Variants in NRXN1 observed in about 807,000 individuals in gnomAD.
NRXN1 encodes the protein neurexin 1, also known as neurexin-1.
A neutral mutation model predicts 150.9 loss-of-function variants in NRXN1; 39 were observed. That is an observed-to-expected ratio of 0.26 (90% CI 0.20 to 0.34). The LOEUF (loss-of-function observed/expected upper bound fraction) is 0.34, where lower values mean the gene tolerates loss of function less well. NRXN1 is among the 10% of genes least tolerant of loss of function. NRXN1 has a pLI of 1.00. For missense variants in NRXN1, 1,815 were observed against 1,949.9 expected (o/e 0.93, Z 1.30); for synonymous variants, 924 against 757.0 (o/e 1.22, Z -3.62).
intron 5 of NRXN1, among the ~76,000 whole-genome samples, chr2:50,896,580 C>T (rs375505915): frequency 2.3e-4 from 35 of 152,326 alleles, no homozygotes; most frequent in African/African-American, 8.2e-4. Flanking sequence ...GGCGCAGTGG[C>T]TCACACCTGT....
In NRXN1 at chr2:50,321,567, A is replaced by G. The variant is rs973593174; in HGVS notation, c.3365-84597T>C. Among the ~76,000 whole-genome samples the G allele has an allele frequency of 9.2e-5, 14 of 151,720 alleles. No individual in the cohort carries two copies. In the South Asian group the frequency reaches 2.3e-3, roughly 25 times the overall value. On this transcript the variant is annotated intron_variant, in intron 17 of 22. Coordinates refer to ENST00000401669, the MANE Select transcript of NRXN1 (RefSeq NM_001330078.2). ...GGAGACATAAAGTTACAAAATGAAC[A>G]TTTTTTTTTCCTAAGTAGCAGTACT... is the stretch of plus-strand genomic sequence containing the variant.
At chr2:50,485,472 G>C (rs2090801603) in intron 15 of NRXN1, among the ~76,000 whole-genome samples, 1 of 152,228 alleles carries the variant, frequency 6.6e-6, no homozygotes, top group South Asian at 2.1e-4. Context: ...TGGAGTGCTT[G>C]CTTTGCGTTC....
intron 17 of NRXN1, among the ~76,000 whole-genome samples, chr2:50,424,127 C>A (rs995646614): frequency 3.2e-5 from 3 of 92,358 alleles, no homozygotes; most frequent in Admixed American, 1.5e-4. Context: ...AAGAAGGAGG[C>A]GGAGGAGGAG....
chr2:51,025,503 A>G (rs1670301007), intron 2 of NRXN1, among the ~76,000 whole-genome samples: 1 of 152,190 alleles, frequency 6.6e-6, no homozygotes, highest in East Asian at 1.9e-4. Context: ...ACCCTCCCAC[A>G]CAGTACAAGC....
chr2:50,219,739 T>G (rs2063664556), intron 18 of NRXN1, among the ~76,000 whole-genome samples: 1 of 149,092 alleles, frequency 6.7e-6, no homozygotes, highest in Non-Finnish European at 1.5e-5. Context: ...ATTCAAAAAA[T>G]TAGTTGGGCA....
rs180813459 is a variant in NRXN1, at chr2:50,022,897, G to C, written c.4128+30374C>G. ...ATATCTTATATAGTAGGTAAAAATA[G>C]AGCTTCTAGGAAGACTGAATTCTAT... is the stretch of plus-strand genomic sequence containing the variant. On this transcript the variant is annotated intron_variant, in intron 21 of 22. Transcript: ENST00000401669. 2.0e-5 allele frequency: 3 copies of C among 152,294 alleles called. No individual in the cohort carries two copies. In the East Asian group the frequency reaches 5.8e-4, roughly 29 times the overall value. The allele number at this position is 152,294 out of a possible 1,614,324, so 9.4% of individuals were successfully genotyped here.
At chr2:50,777,550 T>C (rs1224267899) in intron 5 of NRXN1, among the ~76,000 whole-genome samples, 2 of 152,160 alleles carry the variant, frequency 1.3e-5, no homozygotes, top group African/African-American at 4.8e-5. Context: ...TTTGTAACTA[T>C]TTTGGCAACC....
chr2:50,360,243 A>T (rs1467707156), intron 17 of NRXN1, among the ~76,000 whole-genome samples: 3 of 152,230 alleles, frequency 2.0e-5, no homozygotes, highest in Non-Finnish European at 4.4e-5. Flanking sequence ...TAATGACAGG[A>T]TCATTTCAAA....
At chr2:50,423,767 G>A (rs1433416051) in intron 17 of NRXN1, among the ~76,000 whole-genome samples, 1 of 151,922 alleles carries the variant, frequency 6.6e-6, no homozygotes, top group Non-Finnish European at 1.5e-5. Context: ...CTGTTATTCA[G>A]GAAAAGAAAG....
chr2:50,032,379 C>A (rs1489050366), intron 21 of NRXN1, among the ~76,000 whole-genome samples: 5 of 151,832 alleles, frequency 3.3e-5, no homozygotes, highest in African/African-American at 1.2e-4. Flanking sequence ...TAATTGGAGA[C>A]AAGAAGACTA....
In NRXN1 at chr2:50,501,651, A is replaced by AG. The variant is rs578002578; in HGVS notation, c.2498-3938_2498-3937insC. Among the ~76,000 whole-genome samples, 275 of 152,198 alleles carry AG rather than the reference A, an allele frequency of 1.8e-3. 1 individual carries two copies. Among genetic ancestry groups the AG allele is most frequent in the African/African-American group, 6.3e-3 (263 of 41,512 alleles). ...GACATACACACACAGATTAAAAAAA[A>AG]AAAACACAATTCTAGATTTTTACAC... On this transcript the variant is annotated intron_variant, in intron 13 of 22. Transcript: ENST00000401669.
intron 5 of NRXN1, among the ~76,000 whole-genome samples, chr2:50,785,094 C>T (rs753612559): frequency 2.0e-5 from 3 of 151,956 alleles, no homozygotes; most frequent in South Asian, 2.1e-4. Flanking sequence ...CTGGAGCTTT[C>T]TCTCTCTGAG....
intron 19 of NRXN1, among the ~76,000 whole-genome samples, chr2:50,066,130 C>G (rs1695322441): frequency 1.3e-5 from 2 of 152,008 alleles, no homozygotes; most frequent in African/African-American, 4.8e-5. Context: ...ATAATTAAAC[C>G]CTGGTTTCTT....
intron 1 of NRXN1, among the ~76,000 whole-genome samples, chr2:51,031,297 A>C (rs918567498): frequency 5.9e-5 from 9 of 152,284 alleles, no homozygotes; most frequent in African/African-American, 2.2e-4. Context: ...CAGCATCATT[A>C]ATCTTTTCTT....
intron 2 of NRXN1, among the ~76,000 whole-genome samples, chr2:50,963,196 AACACTT>A (rs1693484945): frequency 6.6e-6 from 1 of 151,626 alleles, no homozygotes; most frequent in South Asian, 2.1e-4. Context: ...ACTTCACCAC[AACACTT>A]ACCAGGATGC....
rs542476977 is a variant in NRXN1 at position 49,964,872 on chromosome 2, G to A, written c.4129-21081C>T. On this transcript the variant is annotated intron_variant, in intron 21 of 22. Coordinates refer to ENST00000401669, the MANE Select transcript of NRXN1 (RefSeq NM_001330078.2). ...ATAAAAAATAATAAAGTCTTGAAAT[G>A]ATAAATGTAAAAGTTCTTTATTTTA... Among the ~76,000 whole-genome samples the A allele has an allele frequency of 6.6e-5, 10 of 152,174 alleles. No homozygotes were observed. In the East Asian group the frequency reaches 1.9e-3, roughly 30 times the overall value.
chr2:50,544,742 C>T (rs907874179), intron 9 of NRXN1, among the ~76,000 whole-genome samples: 3 of 152,138 alleles, frequency 2.0e-5, no homozygotes, highest in African/African-American at 7.2e-5. Context: ...CCAATTCTCA[C>T]ATTCAATCCT....
intron 15 of NRXN1, among the ~76,000 whole-genome samples, chr2:50,485,141 G>A (rs1340054873): frequency 6.6e-6 from 1 of 152,076 alleles, no homozygotes; most frequent in Non-Finnish European, 1.5e-5. Flanking sequence ...TCTAATTGTT[G>A]TGAGGATTCA....
At chr2:50,807,765 T>C (rs1253399315) in intron 5 of NRXN1, among the ~76,000 whole-genome samples, 1 of 152,174 alleles carries the variant, frequency 6.6e-6, no homozygotes, top group East Asian at 1.9e-4. Flanking sequence ...ACTAACATAA[T>C]TTATTTTGAG....
Sources: allele counts gnomAD v4.1 joint callset (sites outside exome capture counted in the v4.1 genomes callset), GRCh38; gene constraint gnomAD v4.1.1; transcripts MANE v1.5; gene names NCBI Gene and HGNC (gene_info 2026-07-23, HGNC 2026-07-21).